Variants in COMMD1 observed in about 807,000 individuals in gnomAD.
COMMD1 encodes copper metabolism domain containing 1, also known as COMM domain-containing protein 1.
A neutral mutation model predicts 17.2 loss-of-function variants in COMMD1; 10 were observed. The observed-to-expected ratio is 0.58, with a 90% CI of 0.36 to 0.99. The LOEUF (loss-of-function observed/expected upper bound fraction) is 0.99. COMMD1 is among the 50% of genes least tolerant of loss of function. COMMD1 has a pLI of 0.01. For missense variants in COMMD1, 270 were observed against 231.8 expected, an observed-to-expected ratio of 1.17 and a Z score of -1.07; for synonymous variants, 97 against 91.6, an observed-to-expected ratio of 1.06 and a Z score of -0.34.
At chr2:62,069,000 A>G (rs907746413) in intron 2 of COMMD1, among the ~76,000 whole-genome samples, 1 of 152,124 alleles carries the variant, frequency 6.6e-6, no homozygotes, top group Non-Finnish European at 1.5e-5. Context: ...GAGAATGAGA[A>G]TACCACTGTC....
intron 2 of COMMD1, among the ~76,000 whole-genome samples, chr2:62,019,639 G>A (rs576921044): frequency 6.6e-6 from 1 of 152,230 alleles, no homozygotes; most frequent in Admixed American, 6.5e-5. Flanking sequence ...GTGGATTTTG[G>A]GAAAGAGCAC....
chr2:62,094,530 G>A (rs1671946306), intron 2 of COMMD1, among the ~76,000 whole-genome samples: 1 of 151,970 alleles, frequency 6.6e-6, no homozygotes, highest in Non-Finnish European at 1.5e-5. Context: ...AGCATGAGGG[G>A]ACATTTACAT....
intron 1 of COMMD1, chr2:61,969,015 T>A: frequency 2.2e-6 from 1 of 444,834 alleles, no homozygotes; most frequent in Non-Finnish European, 4.5e-6. Flanking sequence ...TGGGTATTCA[T>A]AGGCACAATC....
At chr2:61,890,913 C>G (rs1053213448) in intron 1 of COMMD1, among the ~76,000 whole-genome samples, 1 of 151,538 alleles carries the variant, frequency 6.6e-6, no homozygotes, top group Non-Finnish European at 1.5e-5. Context: ...CTTCAGAGGA[C>G]CAGAATACTC....
At chr2:62,014,822 C>T (rs1669390902) in intron 2 of COMMD1, among the ~76,000 whole-genome samples, 1 of 152,026 alleles carries the variant, frequency 6.6e-6, no homozygotes, top group Admixed American at 6.6e-5. Flanking sequence ...CCCTCAGCCT[C>T]CCAAAGTGCT....
intron 1 of COMMD1, among the ~76,000 whole-genome samples, chr2:61,974,021 G>A (rs1046335918): frequency 2.1e-4 from 32 of 152,326 alleles, no homozygotes; most frequent in African/African-American, 7.7e-4. Flanking sequence ...GGGGCTGGGC[G>A]CGATGGCTCA....
intron 1 of COMMD1, among the ~76,000 whole-genome samples, chr2:61,957,769 T>C (rs982510783): frequency 6.6e-6 from 1 of 152,210 alleles, no homozygotes; most frequent in Non-Finnish European, 1.5e-5. Flanking sequence ...TATTGTTAAA[T>C]CCATTCTCTA....
chr2:61,964,839 C>G (rs946567384), intron 1 of COMMD1, among the ~76,000 whole-genome samples: 9 of 152,082 alleles, frequency 5.9e-5, no homozygotes, highest in African/African-American at 2.2e-4. Context: ...TGCCACTGCA[C>G]TCTAGCCTGG....
chr2:62,005,259 C>A (rs1669078381), intron 2 of COMMD1, among the ~76,000 whole-genome samples: 1 of 152,190 alleles, frequency 6.6e-6, no homozygotes, highest in African/African-American at 2.4e-5. Context: ...ATTTTTACAA[C>A]AAGAATTCAA....
At chr2:61,987,653 G>A (rs1422925649) in intron 1 of COMMD1, among the ~76,000 whole-genome samples, 2 of 152,154 alleles carry the variant, frequency 1.3e-5, no homozygotes, top group African/African-American at 4.8e-5. Context: ...ATGGTACTGG[G>A]TCTTGCCCAA....
chr2:62,020,178 A>G (rs1325101323), intron 2 of COMMD1, among the ~76,000 whole-genome samples: 1 of 152,236 alleles, frequency 6.6e-6, no homozygotes, highest in Non-Finnish European at 1.5e-5. Context: ...TGCCCCACAC[A>G]TAACCAAGAT....
chr2:61,920,981 A>AT lies in COMMD1; in HGVS notation c.180+15137dup, dbSNP rs61439372. ...TATATGTGTGTATATATATATATAT[A>AT]TTTTTTTTTTTTTTGAGACAGAGCC... On this transcript the variant is annotated intron_variant, in intron 1 of 2. Transcript: ENST00000311832. 4.6e-3 allele frequency among the ~76,000 whole-genome samples: 650 copies of AT among 141,388 alleles called. 13 individuals are homozygous for AT. Among genetic ancestry groups the AT allele is most frequent in the African/African-American group, 0.015 (549 of 37,206 alleles). The allele number at this position is 141,388 out of a possible 152,430, so 92.8% of individuals were successfully genotyped here.
chr2:61,914,253 ATTGGAAATGGGGACTAT>A (rs1436961861), intron 1 of COMMD1, among the ~76,000 whole-genome samples: 15 of 152,170 alleles, frequency 9.9e-5, no homozygotes, highest in African/African-American at 3.4e-4. Context: ...ATATCTACAA[ATTGGAAATGGGGACTAT>A]TTGCTCTTTG....
At chr2:61,966,335 A>G (rs1671504192) in intron 1 of COMMD1, among the ~76,000 whole-genome samples, 1 of 152,210 alleles carries the variant, frequency 6.6e-6, no homozygotes, top group Non-Finnish European at 1.5e-5. Flanking sequence ...GAAGCCATCC[A>G]GAGGTGTTCT....
intron 1 of COMMD1, among the ~76,000 whole-genome samples, chr2:61,909,539 C>T (rs1213441072): frequency 6.6e-6 from 1 of 152,078 alleles, no homozygotes; most frequent in Non-Finnish European, 1.5e-5. Context: ...GTGAATAGTC[C>T]AGTTTGATCA....
intron 2 of COMMD1, among the ~76,000 whole-genome samples, chr2:62,058,699 A>G (rs562316063): frequency 4.6e-5 from 7 of 152,182 alleles, no homozygotes; most frequent in African/African-American, 1.7e-4. Flanking sequence ...TTATCGTGCT[A>G]CTACACTCAG....
chr2:62,062,853 T>G (rs567490255), intron 2 of COMMD1, among the ~76,000 whole-genome samples: 1 of 152,076 alleles, frequency 6.6e-6, no homozygotes, highest in Admixed American at 6.5e-5. Context: ...GAGGACTGCT[T>G]GAGCCCAGGA....
chr2:61,996,171 C>T (rs1226261380), intron 1 of COMMD1, among the ~76,000 whole-genome samples: 1 of 152,116 alleles, frequency 6.6e-6, no homozygotes, highest in East Asian at 1.9e-4. Context: ...GCACTCCAGC[C>T]TGAGTAACAG....
At chr2:61,985,081 C>T (rs1367787523) in intron 1 of COMMD1, among the ~76,000 whole-genome samples, 3 of 146,822 alleles carry the variant, frequency 2.0e-5, no homozygotes, top group East Asian at 4.0e-4. Context: ...GACGGAGTCT[C>T]GCTCTGTCGC....
Sources: gnomAD v4.1 joint callset for allele counts (sites outside exome capture counted in the v4.1 genomes callset) on GRCh38, gnomAD v4.1.1 for gene constraint, MANE v1.5 for transcripts, NCBI Gene and HGNC (gene_info 2026-07-23, HGNC 2026-07-21) for gene names.